Variants in RALYL observed in about 807,000 individuals in gnomAD.
RALYL encodes the protein RALY RNA binding protein like, also known as RNA-binding Raly-like protein.
Under a neutral mutation model 35.1 loss-of-function variants are expected in RALYL, and 29 were observed. The ratio of observed to expected loss-of-function variants is 0.83; its 90% CI spans 0.61 to 1.13. The LOEUF is 1.13. Among genes scored for constraint, RALYL ranks in the 50% most tolerant of loss-of-function variants. The pLI is 0.00. For missense variants in RALYL, 359 were observed against 360.4 expected, an observed-to-expected ratio of 1.00 and a Z score of 0.03; for synonymous variants, 120 against 127.6, an observed-to-expected ratio of 0.94 and a Z score of 0.40.
At chr8:84,388,983 A>C (rs1298894719) in intron 1 of RALYL, among the ~76,000 whole-genome samples, 2 of 152,074 alleles carry the variant, frequency 1.3e-5, no homozygotes, top group Non-Finnish European at 2.9e-5. Context: ...TAGGTCTAAC[A>C]TGTAAGTCTT....
At chr8:84,481,774 T>C (rs957805943) in intron 1 of RALYL, among the ~76,000 whole-genome samples, 2 of 152,094 alleles carry the variant, frequency 1.3e-5, no homozygotes, top group Non-Finnish European at 2.9e-5. Context: ...AAAACTAATA[T>C]ATGGAAATAT....
chr8:84,569,956 T>C (rs571447119), intron 2 of RALYL, among the ~76,000 whole-genome samples: 3 of 152,092 alleles, frequency 2.0e-5, no homozygotes, highest in African/African-American at 7.2e-5. Flanking sequence ...ATGTACATTT[T>C]TGTGCTAGTA....
At chr8:84,192,909 G>T (rs1024557258) in intron 1 of RALYL, among the ~76,000 whole-genome samples, 11 of 146,740 alleles carry the variant, frequency 7.5e-5, no homozygotes, top group South Asian at 2.2e-4. Context: ...GTGTGTGTGG[G>T]GGGGGGGGTT....
At chr8:84,910,884 A>C (rs1183446733) in intron 8 of RALYL, among the ~76,000 whole-genome samples, 1 of 152,042 alleles carries the variant, frequency 6.6e-6, no homozygotes, top group African/African-American at 2.4e-5. Flanking sequence ...AATTATTCTA[A>C]AACTTTACCC....
chr8:84,673,742 G>A (rs967176665), intron 2 of RALYL, among the ~76,000 whole-genome samples: 2 of 152,076 alleles, frequency 1.3e-5, no homozygotes, highest in Admixed American at 1.3e-4. Context: ...CCCTCTATGT[G>A]TCTGTTCTTC....
rs188123861 is a variant in RALYL, at chr8:84,845,219, T to C, written c.366-4761T>C. ...GAGAACTTTTATTCCATGAAAATGA[T>C]TGTCCCCTCAATCAATAGCAATTGA... On this transcript the variant is annotated intron_variant, in intron 4 of 8. Transcript: ENST00000521268. Among the ~76,000 whole-genome samples the C allele has an allele frequency of 2.7e-3, 411 of 152,344 alleles. 2 individuals are homozygous for C. Among genetic ancestry groups the C allele is most frequent in the Non-Finnish European group, 4.9e-3 (333 of 68,034 alleles).
intron 1 of RALYL, among the ~76,000 whole-genome samples, chr8:84,354,992 A>G (rs1476574609): frequency 2.7e-5 from 4 of 150,328 alleles, no homozygotes; most frequent in Non-Finnish European, 4.4e-5. Context: ...TGCGCATCAC[A>G]AATATACAAC....
chr8:84,913,030 GGA>G (rs1563856384), intron 8 of RALYL, among the ~76,000 whole-genome samples: 10,797 of 75,550 alleles, frequency 0.14, 476 homozygotes, highest in Middle Eastern at 0.27. Context: ...ATGGATGGAT[GGA>G]TAGGTAGGTA....
chr8:84,460,964 A>G (rs1336380524), intron 1 of RALYL, among the ~76,000 whole-genome samples: 1 of 151,620 alleles, frequency 6.6e-6, no homozygotes, highest in Non-Finnish European at 1.5e-5. Flanking sequence ...GTAAAATGAT[A>G]AGAGAGTACA....
intron 4 of RALYL, among the ~76,000 whole-genome samples, chr8:84,833,641 C>CAAAA (rs548355814): frequency 7.1e-5 from 5 of 70,502 alleles, no homozygotes; most frequent in Non-Finnish European, 7.0e-5. Context: ...GACTTCGTCT[C>CAAAA]AAAAAAAAAA....
chr8:84,803,630 G>T (rs113169071), intron 3 of RALYL, among the ~76,000 whole-genome samples: 21 of 152,194 alleles, frequency 1.4e-4, no homozygotes, highest in African/African-American at 5.1e-4. Flanking sequence ...GATTGCTAAG[G>T]CACTTGCTTC....
chr8:84,316,336 A>C (rs1278591405), intron 1 of RALYL, among the ~76,000 whole-genome samples: 1 of 152,106 alleles, frequency 6.6e-6, no homozygotes, highest in Non-Finnish European at 1.5e-5. Context: ...ATATATTCTA[A>C]ATCATTTATT....
intron 1 of RALYL, among the ~76,000 whole-genome samples, chr8:84,401,178 G>A (rs1463403968): frequency 6.6e-6 from 1 of 152,094 alleles, no homozygotes; most frequent in East Asian, 1.9e-4. Flanking sequence ...TGTCAAGGGT[G>A]TCCATTATCT....
At chr8:84,366,860 G>A (rs112416880) in intron 1 of RALYL, among the ~76,000 whole-genome samples, 7,198 of 146,104 alleles carry the variant, frequency 0.049, 233 homozygotes, top group African/African-American at 0.083. Flanking sequence ...ACAAACACAT[G>A]ATAACAGCTG....
chr8:84,832,126 GAATT>G (rs1181546808), intron 4 of RALYL, among the ~76,000 whole-genome samples: 1 of 152,042 alleles, frequency 6.6e-6, no homozygotes, highest in Non-Finnish European at 1.5e-5. Flanking sequence ...GTTTTATGCT[GAATT>G]AATATTCCCC....
At chr8:84,642,855 C>G (rs1017784150) in intron 2 of RALYL, among the ~76,000 whole-genome samples, 2 of 148,698 alleles carry the variant, frequency 1.3e-5, no homozygotes, top group Non-Finnish European at 3.0e-5. Flanking sequence ...CAGTACCCCC[C>G]ACCATCCTAC....
intron 1 of RALYL, among the ~76,000 whole-genome samples, chr8:84,484,598 A>G (rs534067833): frequency 6.6e-6 from 1 of 152,246 alleles, no homozygotes; most frequent in South Asian, 2.1e-4. Context: ...TAATGAACAG[A>G]ACACGTTAAA....
At chr8:84,190,446 A>G (rs1308872561) in intron 1 of RALYL, among the ~76,000 whole-genome samples, 2 of 152,232 alleles carry the variant, frequency 1.3e-5, no homozygotes, top group Admixed American at 6.5e-5. Flanking sequence ...AGAATGGGAA[A>G]CATAAACTAT....
chr8:84,682,509 A>T (rs1187896219), intron 2 of RALYL, among the ~76,000 whole-genome samples: 1 of 152,154 alleles, frequency 6.6e-6, no homozygotes, highest in Non-Finnish European at 1.5e-5. Flanking sequence ...TTATTGCCTC[A>T]ATTTCAGAGC....
Sources: gnomAD v4.1 joint callset for allele counts (sites outside exome capture counted in the v4.1 genomes callset) on GRCh38, gnomAD v4.1.1 for gene constraint, MANE v1.5 for transcripts, NCBI Gene and HGNC (gene_info 2026-07-23, HGNC 2026-07-21) for gene names.